The following C13orf46 variants were observed in gnomAD, a reference collection of about 807,000 sequenced individuals.
The protein encoded by C13orf46 is chromosome 13 open reading frame 46.
chr13:113,954,823 GGTGGAGATGAGGAGCATCCGGTGGAGAT>G lies in C13orf46; in HGVS notation c.*1922_*1949del, dbSNP rs74222140. 0.3 allele frequency: 59,643 copies of G among 196,524 alleles called. 10,084 individuals are homozygous for G. Among genetic ancestry groups the G allele is most frequent in the East Asian group, 0.45 (2,431 of 5,442 alleles). The allele number at this position is 196,524 out of a possible 1,614,324, so 12.2% of individuals were successfully genotyped here. A position where few individuals can be genotyped will look rare whatever the true frequency, so the allele number is the denominator to read the frequency against. ...CAGCTGGTGGAGACGAGGAGCATCCGGTGGAGATGAGGAGCATCCGGTGGAGATGAGGAGCATCTCGTGGGGAGGAGGA... is the reference window on the plus strand; with the variant it reads ...CAGCTGGTGGAGACGAGGAGCATCCGGAGGAGCATCTCGTGGGGAGGAGGA... On this transcript the variant is annotated 3_prime_UTR_variant, in exon 7 of 7. Coordinates refer to ENST00000636427, the MANE Select transcript of C13orf46 (RefSeq NM_001365455.2).
intron 2 of C13orf46, among the ~76,000 whole-genome samples, chr13:113,968,973 G>A (rs1230418519): frequency 2.0e-5 from 3 of 152,222 alleles, no homozygotes; most frequent in African/African-American, 7.2e-5. Context: ...CATCTTGCCT[G>A]GAAAACTTAC....
At chr13:113,946,366 C>T in the C13orf46 span, among the ~76,000 whole-genome samples, 365 of 152,322 alleles carry the variant, frequency 2.4e-3, 2 homozygotes, top group African/African-American at 8.3e-3. Flanking sequence ...TCGGGGGGAC[C>T]AGTCCCCCTC....
the C13orf46 span, among the ~76,000 whole-genome samples, chr13:113,947,214 T>C: frequency 6.6e-6 from 1 of 152,148 alleles, no homozygotes. Context: ...TCAATGCTGC[T>C]GGAATCTTCC....
intron 5 of C13orf46, among the ~76,000 whole-genome samples, chr13:113,965,906 CGATGGT>C (rs2052637532): frequency 4.3e-5 from 4 of 92,862 alleles, no homozygotes; most frequent in South Asian, 4.3e-4. Context: ...GTGATGATGG[CGATGGT>C]GATGGTGACA....
At chr13:113,943,844 C>T in the C13orf46 span, among the ~76,000 whole-genome samples, 2 of 152,246 alleles carry the variant, frequency 1.3e-5, no homozygotes, top group South Asian at 4.1e-4. Context: ...CATGGAAACA[C>T]CTGGTGGAGG....
the C13orf46 span, among the ~76,000 whole-genome samples, chr13:113,932,893 C>A: frequency 6.6e-6 from 1 of 151,800 alleles, no homozygotes; most frequent in East Asian, 1.9e-4. Flanking sequence ...GAGATGGAGT[C>A]TCGCTCTGTC....
the C13orf46 span, among the ~76,000 whole-genome samples, chr13:113,935,513 T>C: frequency 1.3e-5 from 2 of 152,270 alleles, no homozygotes; most frequent in South Asian, 2.1e-4. Context: ...CAACCCTGGC[T>C]TTTGTGGGAT....
At chr13:113,963,305 C>T (rs2052604022) in intron 6 of C13orf46, among the ~76,000 whole-genome samples, 1 of 113,794 alleles carries the variant, frequency 8.8e-6, no homozygotes, top group African/African-American at 2.9e-5. Flanking sequence ...AGCTTCACCC[C>T]TGTCCTCAGC....
the C13orf46 span, among the ~76,000 whole-genome samples, chr13:113,946,302 C>T: frequency 1.3e-5 from 2 of 152,218 alleles, no homozygotes; most frequent in South Asian, 2.1e-4. Context: ...ACCCCTCTAA[C>T]TCACGTAACA....
At position 113,954,906 on chromosome 13, in the gene C13orf46, G is replaced by A. The variant is rs1055630539; in HGVS notation, c.*1867C>T. The stretch of plus-strand genomic sequence containing the variant: ...CTGGCAGAGACGAGGAGCATCTGGC[G>A]GAGACGAGGAGGAGCATCTGGCGGA... On this transcript the variant is annotated 3_prime_UTR_variant, in exon 7 of 7. Transcript: ENST00000636427. 32 of 182,692 alleles carry A rather than the reference G, an allele frequency of 1.8e-4. No individual in the cohort carries two copies. Among genetic ancestry groups the A allele is most frequent in the South Asian group, 5.4e-4 (6 of 11,130 alleles). The allele number at this position is 182,692 out of a possible 1,614,324, so 11.3% of individuals were successfully genotyped here. A position where few individuals can be genotyped will look rare whatever the true frequency, so the allele number is the denominator to read the frequency against.
chr13:113,939,967 G>C, the C13orf46 span, among the ~76,000 whole-genome samples: 1 of 152,226 alleles, frequency 6.6e-6, no homozygotes, highest in African/African-American at 2.4e-5. Context: ...CTGAGCCAGA[G>C]CCTCCTGTCT....
chr13:113,946,965 C>T, the C13orf46 span, among the ~76,000 whole-genome samples: 4 of 152,346 alleles, frequency 2.6e-5, no homozygotes. Flanking sequence ...GCCGAAGGCA[C>T]CCGTGGTTAC....
the C13orf46 span, among the ~76,000 whole-genome samples, chr13:113,945,605 G>GAAAGAAAGAAAAAGA: frequency 1.1e-5 from 1 of 93,708 alleles, no homozygotes; most frequent in Non-Finnish European, 2.2e-5. Context: ...AAGAAAGAAA[G>GAAAGAAAGAAAAAGA]AAGAAAGAAA....
chr13:113,958,799 C>A (rs1278667077), intron 6 of C13orf46, among the ~76,000 whole-genome samples: 1 of 152,164 alleles, frequency 6.6e-6, no homozygotes, highest in Non-Finnish European at 1.5e-5. Flanking sequence ...GGACCTGGCA[C>A]CTTGACCCCA....
the C13orf46 span, among the ~76,000 whole-genome samples, chr13:113,931,088 C>T: frequency 4.1e-3 from 624 of 152,320 alleles, 2 homozygotes; most frequent in Non-Finnish European, 7.4e-3. Flanking sequence ...TGACATGCCA[C>T]GTGTGCAACA....
chr13:113,961,139 A>C (rs2052583355), intron 6 of C13orf46, among the ~76,000 whole-genome samples: 1 of 152,228 alleles, frequency 6.6e-6, no homozygotes, highest in Admixed American at 6.5e-5. Context: ...TTTCCACAGA[A>C]TCAAAATCCT....
the C13orf46 span, among the ~76,000 whole-genome samples, chr13:113,938,896 AGGAAGCCTCCTGGCCCCAG>A: frequency 6.6e-6 from 1 of 152,044 alleles, no homozygotes; most frequent in African/African-American, 2.4e-5. Context: ...CCTCACGCCC[AGGAAGCCTCCTGGCCCCAG>A]GAGGCTCAGG....
the C13orf46 span, chr13:113,927,606 G>A: frequency 2.5e-6 from 1 of 398,706 alleles, no homozygotes; most frequent in East Asian, 3.6e-5. Flanking sequence ...ACGGTGGGGA[G>A]TGAGCCTTGC....
Position 113,954,823 on chromosome 13 carries a change from GGTGGAGAT to G in C13orf46, c.*1942_*1949del, listed in dbSNP as rs1408648454. The stretch of plus-strand genomic sequence containing the variant: ...CAGCTGGTGGAGACGAGGAGCATCC[GGTGGAGAT>G]GAGGAGCATCCGGTGGAGATGAGGA... On this transcript the variant is annotated 3_prime_UTR_variant, in exon 7 of 7. Transcript: ENST00000636427. 2.3e-4 allele frequency: 46 copies of G among 196,882 alleles called. No individual in the cohort carries two copies. The highest frequency in any genetic ancestry group is 4.9e-4 in the South Asian group (7 of 14,184). The allele number at this position is 196,882 out of a possible 1,614,324, so 12.2% of individuals were successfully genotyped here. A position where few individuals can be genotyped will look rare whatever the true frequency, so the allele number is the denominator to read the frequency against.
Sources: allele counts gnomAD v4.1 joint callset (sites outside exome capture counted in the v4.1 genomes callset), GRCh38; gene constraint gnomAD v4.1.1; transcripts MANE v1.5; gene names NCBI Gene and HGNC (gene_info 2026-07-23, HGNC 2026-07-21).